Variants in CLIC6 observed in about 807,000 individuals in gnomAD.
The protein encoded by CLIC6 is CLIC family member 6, also known as chloride intracellular channel protein 6.
Under a neutral mutation model 49.2 loss-of-function variants are expected in CLIC6, and 39 were observed. The ratio of observed to expected loss-of-function variants is 0.79; its 90% CI spans 0.61 to 1.04. CLIC6 has a LOEUF of 1.04. Among genes scored for constraint, CLIC6 ranks in the 50% least tolerant of loss-of-function variants. CLIC6 has a pLI of 0.00. For missense variants in CLIC6, 988 were observed against 993.1 expected, an observed-to-expected ratio of 0.99 and a Z score of 0.07; for synonymous variants, 446 against 433.4, an observed-to-expected ratio of 1.03 and a Z score of -0.36.
At chr21:34,695,253 A>G (rs1298286055) in intron 1 of CLIC6, among the ~76,000 whole-genome samples, 1 of 151,972 alleles carries the variant, frequency 6.6e-6, no homozygotes, top group Non-Finnish European at 1.5e-5. Context: ...GCCATATTTC[A>G]TTTCTCCGAC....
At chr21:34,672,361 C>T (rs1989582698) in intron 1 of CLIC6, among the ~76,000 whole-genome samples, 1 of 152,182 alleles carries the variant, frequency 6.6e-6, no homozygotes, top group Non-Finnish European at 1.5e-5. Flanking sequence ...CCTGTGGTCT[C>T]GCTATGCCAC....
intron 1 of CLIC6, among the ~76,000 whole-genome samples, chr21:34,677,227 G>C (rs2030584266): frequency 6.6e-6 from 1 of 152,160 alleles, no homozygotes; most frequent in African/African-American, 2.4e-5. Context: ...TTGAATTTAA[G>C]ACAGTCTCTT....
rs544640082 is a variant in CLIC6, at chr21:34,704,513, C to A, written c.1375-2767C>A. 1.3e-4 allele frequency among the ~76,000 whole-genome samples: 20 copies of A among 152,324 alleles called. No individual in the cohort carries two copies. The East Asian group carries it at 1.9e-3, about 15-fold the overall frequency. On this transcript the variant is annotated intron_variant, in intron 1 of 5. Coordinates refer to ENST00000349499, the MANE Select transcript of CLIC6 (RefSeq NM_053277.3). Reference sequence around the variant, plus strand: ...TGCCTAACAGCCTTTGGTTCACTAGCCATGCTGGGTCGGGACACAGTTTGG... The same window carrying A: ...TGCCTAACAGCCTTTGGTTCACTAGACATGCTGGGTCGGGACACAGTTTGG...
intron 1 of CLIC6, among the ~76,000 whole-genome samples, chr21:34,705,855 T>C (rs1005911810): frequency 6.6e-6 from 1 of 152,174 alleles, no homozygotes; most frequent in Admixed American, 6.5e-5. Flanking sequence ...TTGCCCGAGA[T>C]TGGACTAAGG....
intron 1 of CLIC6, among the ~76,000 whole-genome samples, chr21:34,681,008 T>C (rs1011100894): frequency 2.0e-5 from 3 of 152,238 alleles, no homozygotes; most frequent in Non-Finnish European, 4.4e-5. Context: ...GGTATCCTTA[T>C]AGCAGCATCC....
At chr21:34,699,029 C>T (rs995280306) in intron 1 of CLIC6, among the ~76,000 whole-genome samples, 6 of 151,994 alleles carry the variant, frequency 3.9e-5, no homozygotes, top group East Asian at 1.9e-4. Flanking sequence ...GAGAGGAGAG[C>T]GAGAGAGAGA....
Position 34,717,527 on chromosome 21 carries a change from T to C in CLIC6, c.*1045T>C, listed in dbSNP as rs957263210. 1 of 151,982 alleles carries C rather than the reference T, an allele frequency of 6.6e-6. No homozygotes were observed. The highest frequency in any genetic ancestry group is 1.5e-5 in the Non-Finnish European group (1 of 68,018). The allele number at this position is 151,982 out of a possible 1,614,324, so 9.4% of individuals were successfully genotyped here. The stretch of plus-strand genomic sequence containing the variant: ...GTAAACGGTCCAGTTAGGGAGGGAG[T>C]AGAAACTATTGACTCAAAAGAGTTT... On this transcript the variant is annotated 3_prime_UTR_variant, in exon 6 of 6. Coordinates refer to ENST00000349499, the MANE Select transcript of CLIC6 (RefSeq NM_053277.3).
intron 1 of CLIC6, among the ~76,000 whole-genome samples, chr21:34,676,222 T>C (rs952201844): frequency 2.0e-5 from 3 of 152,216 alleles, no homozygotes; most frequent in Non-Finnish European, 4.4e-5. Context: ...TATTGTGTCC[T>C]TTCGGACACC....
At chr21:34,693,617 A>C (rs1044204010) in intron 1 of CLIC6, among the ~76,000 whole-genome samples, 2 of 152,174 alleles carry the variant, frequency 1.3e-5, no homozygotes, top group African/African-American at 4.8e-5. Context: ...ACTCTTGCCA[A>C]GTTGAAAAAT....
intron 1 of CLIC6, among the ~76,000 whole-genome samples, chr21:34,688,110 G>A (rs1989916267): frequency 6.6e-6 from 1 of 152,184 alleles, no homozygotes; most frequent in South Asian, 2.1e-4. Flanking sequence ...CTGCAATGAT[G>A]ATACATGTTT....
At chr21:34,701,550 G>T (rs1396441062) in intron 1 of CLIC6, among the ~76,000 whole-genome samples, 6 of 152,050 alleles carry the variant, frequency 3.9e-5, no homozygotes, top group Non-Finnish European at 5.9e-5. Flanking sequence ...CATGATGTAG[G>T]TGCATGTATC....
At chr21:34,698,266 G>T (rs1990124155) in intron 1 of CLIC6, among the ~76,000 whole-genome samples, 1 of 152,228 alleles carries the variant, frequency 6.6e-6, no homozygotes. Flanking sequence ...CCACAAGGAG[G>T]CATTAGCACT....
intron 1 of CLIC6, among the ~76,000 whole-genome samples, chr21:34,687,676 A>C (rs1304380398): frequency 6.6e-6 from 1 of 152,230 alleles, no homozygotes; most frequent in Non-Finnish European, 1.5e-5. Context: ...TCACCCACTT[A>C]ATCCATTGAA....
chr21:34,697,768 G>A (rs1386751048), intron 1 of CLIC6, among the ~76,000 whole-genome samples: 1 of 152,210 alleles, frequency 6.6e-6, no homozygotes, highest in South Asian at 2.1e-4. Flanking sequence ...GGAGAAAGGA[G>A]CCCCTGACAG....
chr21:34,714,952 C>T (rs939793113), intron 5 of CLIC6, among the ~76,000 whole-genome samples: 2 of 152,120 alleles, frequency 1.3e-5, no homozygotes. Context: ...AAAAGTAAAA[C>T]GGACTTCTTA....
intron 1 of CLIC6, among the ~76,000 whole-genome samples, chr21:34,672,831 G>A (rs1163339436): frequency 1.3e-5 from 2 of 152,178 alleles, no homozygotes; most frequent in Non-Finnish European, 2.9e-5. Context: ...AATGGGGACG[G>A]TAATAGTACC....
rs1224334295 is a variant in CLIC6 at position 34,700,983 on chromosome 21, T to A, written c.1375-6297T>A. Among the ~76,000 whole-genome samples, 3 of 138,596 alleles carry A rather than the reference T, an allele frequency of 2.2e-5. 1 individual carries two copies. The highest frequency in any genetic ancestry group is 8.7e-5 in the African/African-American group (3 of 34,540). The allele number at this position is 138,596 out of a possible 152,430, so 90.9% of individuals were successfully genotyped here. On this transcript the variant is annotated intron_variant, in intron 1 of 5. Coordinates refer to ENST00000349499, the MANE Select transcript of CLIC6 (RefSeq NM_053277.3). Reference sequence around the variant, plus strand: ...GGCTGAAGATCTGTTTGCTTTGCAATTTAGAAAGGGACTTAAGTTTTTAAT... The same window carrying A: ...GGCTGAAGATCTGTTTGCTTTGCAAATTAGAAAGGGACTTAAGTTTTTAAT...
At chr21:34,713,107 G>C (rs1487953874) in intron 5 of CLIC6, among the ~76,000 whole-genome samples, 3 of 152,206 alleles carry the variant, frequency 2.0e-5, no homozygotes, top group Non-Finnish European at 4.4e-5. Flanking sequence ...GAGAATGCCA[G>C]TGAGACCTTG....
At chr21:34,699,824 AG>A (rs1194588450) in intron 1 of CLIC6, among the ~76,000 whole-genome samples, 1 of 152,210 alleles carries the variant, frequency 6.6e-6, no homozygotes, top group South Asian at 2.1e-4. Flanking sequence ...GCAGAGAGAC[AG>A]GGGCACCCCA....
Sources: gnomAD v4.1 joint callset for allele counts (sites outside exome capture counted in the v4.1 genomes callset) on GRCh38, gnomAD v4.1.1 for gene constraint, MANE v1.5 for transcripts, NCBI Gene and HGNC (gene_info 2026-07-23, HGNC 2026-07-21) for gene names.